The following ADA variants were observed in gnomAD, a reference collection of about 807,000 sequenced individuals.
The protein encoded by ADA is adenosine deaminase, also known as adenosine aminohydrolase.
In ADA, 45 loss-of-function variants were observed where a neutral mutation model predicts 49.0. The ratio of observed to expected loss-of-function variants is 0.92; its 90% CI spans 0.72 to 1.18. ADA has a LOEUF of 1.18. Ranked by LOEUF, ADA falls within the 50% of genes most tolerant of loss-of-function variation. ADA has a pLI of 0.00. For synonymous variants in ADA, 173 were observed against 184.2 expected, an observed-to-expected ratio of 0.94 and a Z score of 0.49; for missense variants, 445 against 472.5, an observed-to-expected ratio of 0.94 and a Z score of 0.54.
intron 4 of ADA, 136 bp downstream of exon 4, chr20:44,626,320 G>A: frequency 1.2e-5 from 15 of 1,237,064 alleles, no homozygotes; most frequent in Non-Finnish European, 1.7e-5. Context: ...CCATCTTTCT[G>A]AGGCCATGGA....
At chr20:44,641,850 C>T (rs2065538805) in intron 1 of ADA, among the ~76,000 whole-genome samples, 1 of 151,786 alleles carries the variant, frequency 6.6e-6, no homozygotes, top group African/African-American at 2.4e-5. Context: ...TCATTGCAGC[C>T]TCTGCCTCCC....
rs372671189 is a variant in ADA at position 44,624,308 on chromosome 20, T to C, written c.500A>G (p.Glu167Gly). ...HQPNWSPKVV[E>G]LCKKYQQQTV... ...CTGCTGCTGGTACTTCTTACACAGC[T>C]CCACCACCTTGGGGGACCAGTCTGT... The change falls in exon 6 of 12, where the codon GAG becomes GGG. Residue 167 changes from glutamate to glycine, a missense_variant. Physicochemically the swap from Glu to Gly is moderately conservative, Grantham distance 98 (BLOSUM62 -2). Coordinates refer to ENST00000372874, the MANE Select transcript of ADA (RefSeq NM_000022.4). The C allele has an allele frequency of 3.1e-6, 5 of 1,613,822 alleles. No homozygotes were observed. The highest frequency in any genetic ancestry group is 4.2e-6 in the Non-Finnish European group (5 of 1,179,920).
chr20:44,648,837 G>A (rs560068262), intron 1 of ADA, among the ~76,000 whole-genome samples: 21 of 152,114 alleles, frequency 1.4e-4, no homozygotes, highest in African/African-American at 5.1e-4. Context: ...GCCCCAACCC[G>A]ACCCACACAG....
Position 44,621,152 on chromosome 20 carries a change from A to C in ADA, c.846-5T>G. 6.2e-7 allele frequency: 1 copy of C among 1,614,212 alleles called. No individual in the cohort carries two copies. The highest frequency in any genetic ancestry group is 8.5e-7 in the Non-Finnish European group (1 of 1,180,046). On this transcript the variant is annotated splice_region_variant and splice_polypyrimidine_tract_variant and intron_variant, in intron 9 of 11. Coordinates refer to ENST00000372874, the MANE Select transcript of ADA (RefSeq NM_000022.4). The stretch of plus-strand genomic sequence containing the variant: ...TTAGCCTGGTCATTTTTGAGCCTGC[A>C]GAAGAGGGAGGAGGAGAGAATCAGC...
chr20:44,624,412 A>AC (rs2065363196), intron 5 of ADA, 83 bp from the exon 6 acceptor site: 2 of 1,587,008 alleles, frequency 1.3e-6, no homozygotes, highest in Non-Finnish European at 8.6e-7. Flanking sequence ...TCCCACCCAA[A>AC]CCCCCCATGG....
intron 1 of ADA, among the ~76,000 whole-genome samples, chr20:44,638,376 G>GACCA (rs1422844040): frequency 6.6e-6 from 1 of 152,186 alleles, no homozygotes; most frequent in Non-Finnish European, 1.5e-5. Context: ...AGGAGTTTGA[G>GACCA]ACCAGCCTGG....
rs764188731 is a variant in ADA, at chr20:44,629,100, C to T, written c.165G>A (p.Pro55=). Reference sequence around the variant, plus strand: ...TGGCCAGGAAGTCTGGAAGGGTGAGCGGCTTGTCCATGCCAATGACGTTCA... The same window carrying T: ...TGGCCAGGAAGTCTGGAAGGGTGAGTGGCTTGTCCATGCCAATGACGTTCA... ...GLLNVIGMDK[P]LTLPDFLAKF... Residue 55 remains proline (P), a synonymous_variant, in exon 3 of 12, where the codon CCG becomes CCA. Coordinates refer to ENST00000372874, the MANE Select transcript of ADA (RefSeq NM_000022.4). The T allele has an allele frequency of 9.9e-6, 16 of 1,614,074 alleles. No individual in the cohort carries two copies. The highest frequency in any genetic ancestry group is 7.7e-5 in the South Asian group (7 of 91,092).
chr20:44,650,951 C>A (rs2065639179), intron 1 of ADA, among the ~76,000 whole-genome samples: 1 of 152,212 alleles, frequency 6.6e-6, no homozygotes, highest in Admixed American at 6.5e-5. Flanking sequence ...GGATTCTCCC[C>A]TGGGGCCAGT....
chr20:44,622,801 GTTCCTC>G, intron 8 of ADA, 22 bp downstream of exon 8: 2 of 1,614,190 alleles, frequency 1.2e-6, no homozygotes, highest in Non-Finnish European at 1.7e-6. Flanking sequence ...GCCGGGGATG[GTTCCTC>G]CCCACTCCCT....
chr20:44,626,674 C>T, intron 3 of ADA, 75 bp from the exon 4 acceptor site: 2 of 1,583,524 alleles, frequency 1.3e-6, no homozygotes, highest in Non-Finnish European at 1.7e-6. Context: ...ATGACATCCC[C>T]AACCCTTGGC....
At chr20:44,623,889 A>T (rs1475702375) in intron 6 of ADA, 1 of 418,648 alleles carries the variant, frequency 2.4e-6, no homozygotes, top group Admixed American at 2.7e-5. Flanking sequence ...CTGGGACTAC[A>T]GGCATGCACC....
At chr20:44,629,794 C>A (rs2065417012) in intron 2 of ADA, among the ~76,000 whole-genome samples, 1 of 152,210 alleles carries the variant, frequency 6.6e-6, no homozygotes, top group Non-Finnish European at 1.5e-5. Context: ...AGCTGGACTA[C>A]AGCAGCGCTC....
At chr20:44,643,609 C>T (rs1278031831) in intron 1 of ADA, among the ~76,000 whole-genome samples, 1 of 152,124 alleles carries the variant, frequency 6.6e-6, no homozygotes, top group African/African-American at 2.4e-5. Flanking sequence ...GGGTGGAACT[C>T]AAGTCCCTCT....
chr20:44,647,367 C>T (rs988818134), intron 1 of ADA, among the ~76,000 whole-genome samples: 3 of 151,584 alleles, frequency 2.0e-5, no homozygotes, highest in Non-Finnish European at 1.5e-5. Flanking sequence ...ACCTGGGAGG[C>T]GAAGGTTGCA....
At chr20:44,641,825 T>C (rs1313469916) in intron 1 of ADA, among the ~76,000 whole-genome samples, 1 of 151,726 alleles carries the variant, frequency 6.6e-6, no homozygotes, top group Non-Finnish European at 1.5e-5. Flanking sequence ...TGGAGTGCAG[T>C]GGCAAGATCT....
chr20:44,622,528 T>C, intron 9 of ADA, 60 bp downstream of exon 9: 1 of 1,596,118 alleles, frequency 6.3e-7, no homozygotes, highest in Non-Finnish European at 8.6e-7. Flanking sequence ...TCCCTAAAGT[T>C]TCTTCCCTCT....
intron 6 of ADA, 157 bp downstream of exon 6, chr20:44,624,045 C>T (rs1243071273): frequency 8.3e-6 from 9 of 1,089,116 alleles, no homozygotes; most frequent in Non-Finnish European, 1.2e-5. Flanking sequence ...CACGCCTGGC[C>T]CAGGGGGATT....
Position 44,624,247 on chromosome 20 carries a change from G to A in ADA, c.561C>T (p.Thr187=), listed in dbSNP as rs2065360910. The part of the protein sequence containing the change: ...VVAIDLAGDE[T]IPGSSLLPGH... The stretch of plus-strand genomic sequence containing the variant: ...CAGGCAAGAGGCTGCTTCCTGGGAT[G>A]GTCTCATCTCCAGCCAGGTCAATGG... The change falls in exon 6 of 12, where the codon ACC becomes ACT. Residue 187 remains threonine, a synonymous_variant. Coordinates refer to ENST00000372874, the MANE Select transcript of ADA (RefSeq NM_000022.4). 4 of 1,613,840 alleles carry A rather than the reference G, an allele frequency of 2.5e-6. No homozygotes were observed. Among genetic ancestry groups the A allele is most frequent in the Non-Finnish European group, 3.4e-6 (4 of 1,179,928 alleles).
Position 44,621,126 on chromosome 20 carries a change from G to A in ADA, c.867C>T (p.Asn289=). 6.2e-7 allele frequency: 1 copy of A among 1,614,202 alleles called. No individual in the cohort carries two copies. Among genetic ancestry groups the A allele is most frequent in the Non-Finnish European group, 8.5e-7 (1 of 1,180,042 alleles). The part of the protein sequence containing the change: ...AVIRLKNDQA[N]YSLNTDDPLI... ...GCGGGTCATCTGTGTTGAGCGAGTAGTTAGCCTGGTCATTTTTGAGCCTGC... is the reference window on the plus strand; with the variant it reads ...GCGGGTCATCTGTGTTGAGCGAGTAATTAGCCTGGTCATTTTTGAGCCTGC... Residue 289 remains asparagine (N), a synonymous_variant, in exon 10 of 12, where the codon AAC becomes AAT. Coordinates refer to ENST00000372874, the MANE Select transcript of ADA (RefSeq NM_000022.4).
Sources: allele counts gnomAD v4.1 joint callset (sites outside exome capture counted in the v4.1 genomes callset), GRCh38; gene constraint gnomAD v4.1.1; transcripts MANE v1.5; gene names NCBI Gene and HGNC (gene_info 2026-07-23, HGNC 2026-07-21).